The following IGSF21 variants were observed in gnomAD, a reference collection of about 807,000 sequenced individuals.
IGSF21 encodes the protein immunoglobin superfamily member 21.
Under a neutral mutation model 46.8 loss-of-function variants are expected in IGSF21, and 28 were observed. The ratio of observed to expected loss-of-function variants is 0.60; its 90% CI spans 0.44 to 0.82. IGSF21 has a LOEUF of 0.82. Among genes scored for constraint, IGSF21 ranks in the 40% least tolerant of loss-of-function variants. The probability of loss-of-function intolerance (pLI) is 0.00; values close to 1 mark genes in which losing one functional copy is unlikely to be tolerated. For missense variants in IGSF21, 624 were observed against 665.5 expected (o/e 0.94, Z 0.69); for synonymous variants, 284 against 273.6 (o/e 1.04, Z -0.38).
chr1:18,131,307 C>T (rs187890796), intron 1 of IGSF21, among the ~76,000 whole-genome samples: 77 of 152,322 alleles, frequency 5.1e-4, no homozygotes, highest in Non-Finnish European at 8.8e-4. Context: ...GAAGACATCG[C>T]TTTTCCATCC....
intron 1 of IGSF21, among the ~76,000 whole-genome samples, chr1:18,119,054 G>T (rs2086211314): frequency 1.3e-5 from 2 of 152,082 alleles, no homozygotes; most frequent in South Asian, 4.1e-4. Context: ...GCTATGTATT[G>T]ATTGGAACAG....
chr1:18,160,720 C>T (rs983589168), intron 1 of IGSF21, among the ~76,000 whole-genome samples: 12 of 152,270 alleles, frequency 7.9e-5, no homozygotes, highest in Admixed American at 6.5e-4. Flanking sequence ...CAGCAGCTTC[C>T]CCATTCTGAA....
chr1:18,241,885 C>T (rs563538586), intron 2 of IGSF21, among the ~76,000 whole-genome samples: 12 of 152,274 alleles, frequency 7.9e-5, no homozygotes, highest in Admixed American at 1.3e-4. Flanking sequence ...TATGGTAAGG[C>T]GGAAGGGGTT....
Position 18,367,603 on chromosome 1 carries a change from C to CTTTTTTTTTTTTTTTTTTTTT in IGSF21, c.1015+1908_1015+1928dup, listed in dbSNP as rs35019096. Among the ~76,000 whole-genome samples the CTTTTTTTTTTTTTTTTTTTTT allele has an allele frequency of 4.1e-5, 3 of 73,952 alleles. 1 individual carries two copies. Among genetic ancestry groups the CTTTTTTTTTTTTTTTTTTTTT allele is most frequent in the Non-Finnish European group, 5.1e-5 (2 of 39,568 alleles). The allele number at this position is 73,952 out of a possible 152,430, so 48.5% of individuals were successfully genotyped here. A position where few individuals can be genotyped will look rare whatever the true frequency, so the allele number is the denominator to read the frequency against. ...GACCTTTGATATTCTCTCTCTCTCT[C>CTTTTTTTTTTTTTTTTTTTTT]TTTTTTTTTTTTTTTTTTTTTTGAC... On this transcript the variant is annotated intron_variant, in intron 6 of 9. Coordinates refer to ENST00000251296, the MANE Select transcript of IGSF21 (RefSeq NM_032880.5).
chr1:18,124,047 A>T (rs1461380016), intron 1 of IGSF21, among the ~76,000 whole-genome samples: 4 of 152,220 alleles, frequency 2.6e-5, no homozygotes, highest in African/African-American at 9.6e-5. Flanking sequence ...AGGGCTTCAG[A>T]GCAAGAAGCA....
chr1:18,291,661 G>A (rs549448830), intron 2 of IGSF21, among the ~76,000 whole-genome samples: 12 of 152,254 alleles, frequency 7.9e-5, no homozygotes, highest in East Asian at 3.9e-4. Flanking sequence ...ACTCCCACCC[G>A]TTGCCAGGCT....
At chr1:18,266,361 A>G (rs2084989842) in intron 2 of IGSF21, among the ~76,000 whole-genome samples, 1 of 152,224 alleles carries the variant, frequency 6.6e-6, no homozygotes, top group South Asian at 2.1e-4. Flanking sequence ...GTGATCTATT[A>G]CCATGAACAT....
intron 4 of IGSF21, among the ~76,000 whole-genome samples, chr1:18,355,735 G>A (rs1259549307): frequency 6.6e-6 from 1 of 151,900 alleles, no homozygotes; most frequent in African/African-American, 2.4e-5. Context: ...GAATAGGGTC[G>A]GCCTTTCCTA....
chr1:18,153,364 C>T (rs761423732), intron 1 of IGSF21, among the ~76,000 whole-genome samples: 19 of 152,334 alleles, frequency 1.2e-4, no homozygotes, highest in African/African-American at 3.1e-4. Flanking sequence ...GTCTTCACTC[C>T]GCAGAGGAGG....
intron 1 of IGSF21, among the ~76,000 whole-genome samples, chr1:18,161,380 G>T (rs1177202942): frequency 3.9e-5 from 6 of 152,114 alleles, no homozygotes; most frequent in Non-Finnish European, 8.8e-5. Context: ...TTGGAGATAG[G>T]TCACCAGCCC....
intron 4 of IGSF21, among the ~76,000 whole-genome samples, chr1:18,351,792 C>T (rs745305708): frequency 6.6e-6 from 1 of 152,202 alleles, no homozygotes; most frequent in Non-Finnish European, 1.5e-5. Context: ...AACAGATTCA[C>T]GTTACACCCC....
At chr1:18,246,264 G>A (rs1455653393) in intron 2 of IGSF21, among the ~76,000 whole-genome samples, 2 of 152,052 alleles carry the variant, frequency 1.3e-5, no homozygotes, top group Admixed American at 1.3e-4. Flanking sequence ...GCATCTCAGT[G>A]CCCAGTGGGC....
chr1:18,362,176 A>G lies in IGSF21; in HGVS notation c.486A>G (p.Gln162=), dbSNP rs137922685. Residue 162 remains glutamine (Q), a synonymous_variant, in exon 5 of 10, where the codon CAA becomes CAG. Transcript: ENST00000251296. ...CACCAGCCCCCTTCAGCCGCTACCA[A>G]GCCCAGAACTTCACGCTGGTCTGCA... ...ADTPAPFSRY[Q]AQNFTLVCIV... 1.2e-6 allele frequency: 2 copies of G among 1,613,326 alleles called. No homozygotes were observed. The highest frequency in any genetic ancestry group is 2.7e-5 in the African/African-American group (2 of 74,918).
chr1:18,182,370 G>A (rs774116083), intron 1 of IGSF21, among the ~76,000 whole-genome samples: 2 of 151,966 alleles, frequency 1.3e-5, no homozygotes, highest in South Asian at 2.1e-4. Flanking sequence ...GTAGAGACAG[G>A]GTTTTGCCAT....
rs372667245 is a variant in IGSF21, at chr1:18,281,664, G to A, written c.184-10202G>A. Among the ~76,000 whole-genome samples, 120 of 152,180 alleles carry A rather than the reference G, an allele frequency of 7.9e-4. 1 individual carries two copies. Among genetic ancestry groups the A allele is most frequent in the African/African-American group, 2.4e-3 (101 of 41,514 alleles). On this transcript the variant is annotated intron_variant, in intron 2 of 9. Coordinates refer to ENST00000251296, the MANE Select transcript of IGSF21 (RefSeq NM_032880.5). ...GCCCACTCCTTCCAGAACACAAGAGGGGAGGGCATTTGTTAAACTGGGAAA... is the reference window on the plus strand; with the variant it reads ...GCCCACTCCTTCCAGAACACAAGAGAGGAGGGCATTTGTTAAACTGGGAAA...
Position 18,115,378 on chromosome 1 carries a change from C to T in IGSF21, c.70+7180C>T, listed in dbSNP as rs373091642. 2.0e-5 allele frequency: 3 copies of T among 152,278 alleles called. No individual in the cohort carries two copies. In the East Asian group the frequency reaches 5.8e-4, roughly 29 times the overall value. 9.4% of individuals were successfully genotyped at this position (152,278 alleles called of 1,614,324 possible). ...GGGGCTGGAGATCGTTGGGGATAGT[C>T]TCCCTCCTGAACAGAGCTATTGAGG... is the stretch of plus-strand genomic sequence containing the variant. On this transcript the variant is annotated intron_variant, in intron 1 of 9. Coordinates refer to ENST00000251296, the MANE Select transcript of IGSF21 (RefSeq NM_032880.5).
chr1:18,244,582 A>G (rs752581084), intron 2 of IGSF21, among the ~76,000 whole-genome samples: 2 of 152,196 alleles, frequency 1.3e-5, no homozygotes, highest in East Asian at 1.9e-4. Flanking sequence ...AAACTGTGCC[A>G]TACGTAGAGC....
chr1:18,236,862 T>C (rs546121354), intron 2 of IGSF21, among the ~76,000 whole-genome samples: 2 of 152,290 alleles, frequency 1.3e-5, no homozygotes, highest in East Asian at 1.9e-4. Context: ...TGGTAACATA[T>C]GGAGCCCACT....
At chr1:18,359,205 G>A (rs796286708) in intron 4 of IGSF21, among the ~76,000 whole-genome samples, 6 of 151,260 alleles carry the variant, frequency 4.0e-5, no homozygotes, top group African/African-American at 1.5e-4. Context: ...TTGAGCCCAG[G>A]AGGTCAAGGC....
Sources: gnomAD v4.1 joint callset for allele counts (sites outside exome capture counted in the v4.1 genomes callset) on GRCh38, gnomAD v4.1.1 for gene constraint, MANE v1.5 for transcripts, NCBI Gene and HGNC (gene_info 2026-07-23, HGNC 2026-07-21) for gene names.